EPHA6: variants seen among roughly 807,000 people sequenced by gnomAD.
EPHA6 encodes ephrin type-A receptor 6.
A neutral mutation model predicts 112.0 loss-of-function variants in EPHA6; 50 were observed. The ratio of observed to expected loss-of-function variants is 0.45; its 90% CI spans 0.36 to 0.56. The LOEUF is 0.56. Ranked by LOEUF, EPHA6 falls within the 20% of genes least tolerant of loss-of-function variation. EPHA6 has a pLI of 0.00. For synonymous variants in EPHA6, 529 were observed against 490.7 expected (o/e 1.08, Z -1.03); for missense variants, 1,280 against 1,417.4 (o/e 0.90, Z 1.56).
chr3:97,586,227 C>A (rs1469892503), intron 11 of EPHA6, among the ~76,000 whole-genome samples: 1 of 152,202 alleles, frequency 6.6e-6, no homozygotes, highest in Non-Finnish European at 1.5e-5. Context: ...CCACCTCATG[C>A]ATCACAATGA....
At position 97,010,109 on chromosome 3, in the gene EPHA6, T is replaced by C. The variant is rs927857412; in HGVS notation, c.1114+22116T>C. On this transcript the variant is annotated intron_variant, in intron 3 of 17. Transcript: ENST00000389672. ...GCAAAAGAGTAGCATTACTAAAATA[T>C]TAAACGGTTACATTTACAGCCAAAA... is the stretch of plus-strand genomic sequence containing the variant. The C allele has an allele frequency of 4.7e-6, 6 of 1,266,710 alleles. No homozygotes were observed. The South Asian group carries it at 7.9e-5, about 17-fold the overall frequency. The allele number at this position is 1,266,710 out of a possible 1,614,324, so 78.5% of individuals were successfully genotyped here. A position where few individuals can be genotyped will look rare whatever the true frequency, so the allele number is the denominator to read the frequency against.
chr3:97,596,783 TATATATA>T (rs2093595273), intron 12 of EPHA6, among the ~76,000 whole-genome samples: 1 of 81,244 alleles, frequency 1.2e-5, no homozygotes, highest in African/African-American at 1.1e-4. Flanking sequence ...TATACATATA[TATATATA>T]TATATATATA....
At chr3:96,828,746 C>T (rs1391753447) in intron 1 of EPHA6, among the ~76,000 whole-genome samples, 1 of 152,174 alleles carries the variant, frequency 6.6e-6, no homozygotes, top group Non-Finnish European at 1.5e-5. Flanking sequence ...ACCTCCACAG[C>T]TCCATCATTC....
chr3:97,042,924 C>A (rs1032206403), intron 3 of EPHA6, among the ~76,000 whole-genome samples: 1 of 152,132 alleles, frequency 6.6e-6, no homozygotes, highest in Non-Finnish European at 1.5e-5. Context: ...TAGCTCCCTG[C>A]CAGCTTGATC....
intron 10 of EPHA6, among the ~76,000 whole-genome samples, chr3:97,531,098 C>T (rs1032910029): frequency 1.3e-5 from 2 of 151,976 alleles, no homozygotes; most frequent in African/African-American, 4.8e-5. Flanking sequence ...ATGAATAGTA[C>T]TTTACAGTTT....
chr3:97,575,951 T>C (rs932894816), intron 11 of EPHA6, among the ~76,000 whole-genome samples: 2 of 152,040 alleles, frequency 1.3e-5, no homozygotes, highest in African/African-American at 2.4e-5. Flanking sequence ...ACACCACCAG[T>C]TGAGATTAGA....
intron 3 of EPHA6, among the ~76,000 whole-genome samples, chr3:97,148,482 A>G (rs926246501): frequency 3.9e-5 from 6 of 152,070 alleles, no homozygotes; most frequent in African/African-American, 1.4e-4. Flanking sequence ...AAAAATGCAT[A>G]TCTTTTTCAA....
chr3:96,840,638 C>T (rs1576111379), intron 1 of EPHA6, among the ~76,000 whole-genome samples: 1 of 152,118 alleles, frequency 6.6e-6, no homozygotes, highest in African/African-American at 2.4e-5. Context: ...TAACTCAGAG[C>T]TGACACACTG....
chr3:97,511,487 C>T (rs778902335), intron 10 of EPHA6, among the ~76,000 whole-genome samples: 16 of 152,162 alleles, frequency 1.1e-4, no homozygotes, highest in Non-Finnish European at 1.6e-4. Flanking sequence ...CACCCTGCTT[C>T]GGCTCACCCT....
chr3:97,584,344 G>A (rs1021190694), intron 11 of EPHA6, among the ~76,000 whole-genome samples: 2 of 152,134 alleles, frequency 1.3e-5, no homozygotes, highest in African/African-American at 4.8e-5. Context: ...TAAGCTAAAA[G>A]TCACCAGCTG....
At chr3:97,542,871 T>G (rs1415360066) in intron 11 of EPHA6, among the ~76,000 whole-genome samples, 1 of 152,218 alleles carries the variant, frequency 6.6e-6, no homozygotes, top group Non-Finnish European at 1.5e-5. Flanking sequence ...TTTCGTGTGT[T>G]TTTTGGCTGC....
intron 14 of EPHA6, among the ~76,000 whole-genome samples, chr3:97,714,760 GC>G (rs1358406946): frequency 1.3e-5 from 2 of 152,214 alleles, no homozygotes; most frequent in African/African-American, 2.4e-5. Context: ...AAGGCAGAAG[GC>G]CCCAGAATGC....
chr3:96,987,372 C>T lies in EPHA6; in HGVS notation c.493C>T (p.His165Tyr). The T allele has an allele frequency of 6.2e-7, 1 of 1,613,462 alleles. No homozygotes were observed. The stretch of plus-strand genomic sequence containing the variant: ...AATGGATGAACATAATAGGCCCATT[C>T]ACACATACCAGGTATGTAATGTAAT... ...TEMDEHNRPI[H>Y]TYQVCNVMEP... is the part of the protein sequence containing the mutation. Residue 165 changes from histidine (H) to tyrosine (Y), a missense_variant, in exon 3 of 18, where the codon CAC becomes TAC. Physicochemically the swap from His to Tyr is moderately conservative, Grantham distance 83. This residue lies in a region of EPHA6 where 878 missense variants were observed against 999.7 expected (regional missense o/e 0.88). Coordinates refer to ENST00000389672, the MANE Select transcript of EPHA6 (RefSeq NM_001080448.3).
intron 11 of EPHA6, among the ~76,000 whole-genome samples, chr3:97,573,291 CA>C (rs2107237460): frequency 6.6e-6 from 1 of 152,096 alleles, no homozygotes; most frequent in East Asian, 1.9e-4. Context: ...GGCCTGTTAG[CA>C]AAAGGAACCC....
intron 5 of EPHA6, among the ~76,000 whole-genome samples, chr3:97,281,401 T>C (rs1240239639): frequency 6.6e-6 from 1 of 152,178 alleles, no homozygotes; most frequent in African/African-American, 2.4e-5. Context: ...TGCATTCATT[T>C]TATTTTTATT....
intron 2 of EPHA6, among the ~76,000 whole-genome samples, chr3:96,940,958 C>T (rs140294381): frequency 3.9e-5 from 6 of 152,112 alleles, no homozygotes; most frequent in South Asian, 2.1e-4. Flanking sequence ...GAGTTTCTGC[C>T]GAGAGATCAG....
intron 5 of EPHA6, among the ~76,000 whole-genome samples, chr3:97,266,731 C>A (rs1439686288): frequency 6.6e-6 from 1 of 151,886 alleles, no homozygotes; most frequent in Non-Finnish European, 1.5e-5. Flanking sequence ...TTTTTTGTAA[C>A]CTTGTCTTGA....
chr3:96,909,020 G>T (rs1264321622), intron 2 of EPHA6, among the ~76,000 whole-genome samples: 2 of 151,940 alleles, frequency 1.3e-5, no homozygotes, highest in East Asian at 3.9e-4. Flanking sequence ...GATTCAATTA[G>T]TGAGAAATAT....
intron 15 of EPHA6, among the ~76,000 whole-genome samples, chr3:97,727,868 GT>G (rs2034845732): frequency 6.6e-6 from 1 of 151,948 alleles, no homozygotes; most frequent in South Asian, 2.1e-4. Context: ...ATTACAAGAT[GT>G]AATCAATCAT....
Sources: gnomAD v4.1 joint callset for allele counts (sites outside exome capture counted in the v4.1 genomes callset) on GRCh38, gnomAD v4.1.1 for gene constraint, gnomAD v4.1.1 regional missense constraint, MANE v1.5 for transcripts, NCBI Gene and HGNC (gene_info 2026-07-23, HGNC 2026-07-21) for gene names.